HS3ST4: variants seen among roughly 807,000 people sequenced by gnomAD.
The protein encoded by HS3ST4 is heparan sulfate glucosamine 3-O-sulfotransferase 4.
A neutral mutation model predicts 29.2 loss-of-function variants in HS3ST4; 17 were observed. That is an observed-to-expected ratio of 0.58 (90% confidence interval 0.40 to 0.87). HS3ST4 has a LOEUF of 0.87. Among genes scored for constraint, HS3ST4 ranks in the 40% least tolerant of loss-of-function variants. The pLI is 0.00. For synonymous variants in HS3ST4, 314 were observed against 285.7 expected (o/e 1.10, Z -1.00); for missense variants, 627 against 634.5 (o/e 0.99, Z 0.13).
intron 1 of HS3ST4, among the ~76,000 whole-genome samples, chr16:25,862,142 A>T (rs552943120): frequency 6.6e-6 from 1 of 151,424 alleles, no homozygotes; most frequent in Non-Finnish European, 1.5e-5. Context: ...TGATTCTCCT[A>T]TGAGAATTTT....
intron 1 of HS3ST4, among the ~76,000 whole-genome samples, chr16:25,891,009 C>G (rs1366160178): frequency 1.3e-5 from 2 of 152,148 alleles, no homozygotes; most frequent in East Asian, 3.9e-4. Context: ...GGGTCAGAAA[C>G]AGCTTCAAGA....
chr16:25,712,548 A>G (rs1311587347), intron 1 of HS3ST4, among the ~76,000 whole-genome samples: 1 of 152,122 alleles, frequency 6.6e-6, no homozygotes, highest in Non-Finnish European at 1.5e-5. Flanking sequence ...AATGAAACAA[A>G]AGAAGCACCA....
intron 1 of HS3ST4, among the ~76,000 whole-genome samples, chr16:25,729,912 T>A (rs764586887): frequency 1.3e-5 from 2 of 152,176 alleles, no homozygotes; most frequent in Non-Finnish European, 2.9e-5. Flanking sequence ...AGCTGTCCAA[T>A]TGCTCTGGTG....
At chr16:25,700,414 A>C (rs1181311814) in intron 1 of HS3ST4, among the ~76,000 whole-genome samples, 1 of 152,232 alleles carries the variant, frequency 6.6e-6, no homozygotes, top group Non-Finnish European at 1.5e-5. Flanking sequence ...TTGGGAATGC[A>C]GGATTGCTCC....
At chr16:25,732,096 T>G (rs994612354) in intron 1 of HS3ST4, among the ~76,000 whole-genome samples, 5 of 152,196 alleles carry the variant, frequency 3.3e-5, no homozygotes, top group African/African-American at 1.2e-4. Context: ...ACAATTGCTT[T>G]AGTCACAGTA....
chr16:25,819,390 T>C (rs950109525), intron 1 of HS3ST4, among the ~76,000 whole-genome samples: 1 of 152,186 alleles, frequency 6.6e-6, no homozygotes, highest in African/African-American at 2.4e-5. Flanking sequence ...TGTTGGCACG[T>C]GACTGGTCTG....
chr16:26,068,023 AT>A (rs1271334876), intron 1 of HS3ST4, among the ~76,000 whole-genome samples: 1 of 152,218 alleles, frequency 6.6e-6, no homozygotes, highest in African/African-American at 2.4e-5. Flanking sequence ...TTATGTCTTT[AT>A]TAACAGCATT....
At chr16:25,700,069 CTT>C (rs1457991992) in intron 1 of HS3ST4, among the ~76,000 whole-genome samples, 3 of 152,124 alleles carry the variant, frequency 2.0e-5, no homozygotes, top group Non-Finnish European at 4.4e-5. Flanking sequence ...TAAATGTAGT[CTT>C]TTATTTCAAG....
chr16:25,925,960 C>A (rs1409298051), intron 1 of HS3ST4, among the ~76,000 whole-genome samples: 1 of 152,114 alleles, frequency 6.6e-6, no homozygotes, highest in African/African-American at 2.4e-5. Flanking sequence ...CCATGCCAGA[C>A]CCTCTGTCTG....
Position 25,692,945 on chromosome 16 carries a change from G to C in HS3ST4, c.528G>C (p.Ala176=). The C allele has an allele frequency of 1.2e-6, 2 of 1,609,462 alleles. No homozygotes were observed. The highest frequency in any genetic ancestry group is 8.5e-7 in the Non-Finnish European group (1 of 1,178,594). ...TTDEDLAGRR[A]ANGSSERGGA... Reference sequence around the variant, plus strand: ...ACGAGGATCTCGCAGGCCGGAGAGCGGCCAACGGGAGCAGCGAGAGGGGCG... The same window carrying C: ...ACGAGGATCTCGCAGGCCGGAGAGCCGCCAACGGGAGCAGCGAGAGGGGCG... Residue 176 remains alanine (A), a synonymous_variant, in exon 1 of 2, where the codon GCG becomes GCC. Transcript: ENST00000331351.
intron 1 of HS3ST4, among the ~76,000 whole-genome samples, chr16:26,068,394 G>A (rs945228187): frequency 2.6e-5 from 4 of 152,124 alleles, no homozygotes; most frequent in Non-Finnish European, 5.9e-5. Context: ...GTTTAACGTA[G>A]ATCTTAGGAT....
chr16:25,906,206 T>A (rs1234899636), intron 1 of HS3ST4, among the ~76,000 whole-genome samples: 1 of 152,172 alleles, frequency 6.6e-6, no homozygotes, highest in East Asian at 1.9e-4. Context: ...AAGACTTCCT[T>A]CTCTTTGTGG....
At chr16:25,860,583 C>A (rs1013418823) in intron 1 of HS3ST4, among the ~76,000 whole-genome samples, 1 of 152,000 alleles carries the variant, frequency 6.6e-6, no homozygotes, top group African/African-American at 2.4e-5. Context: ...TATGAAGGAA[C>A]CTTAAATGCA....
chr16:25,999,060 C>G (rs538688486), intron 1 of HS3ST4, among the ~76,000 whole-genome samples: 2 of 151,956 alleles, frequency 1.3e-5, no homozygotes, highest in Non-Finnish European at 2.9e-5. Context: ...TAAAATATCT[C>G]TTCTTCTGTC....
At chr16:25,722,132 A>T (rs1966501546) in intron 1 of HS3ST4, among the ~76,000 whole-genome samples, 1 of 152,202 alleles carries the variant, frequency 6.6e-6, no homozygotes, top group Non-Finnish European at 1.5e-5. Context: ...TTCTACTGGG[A>T]GTGGGTTGAC....
At chr16:26,115,237 A>ATGTG (rs1426939492) in intron 1 of HS3ST4, among the ~76,000 whole-genome samples, 2 of 150,498 alleles carry the variant, frequency 1.3e-5, no homozygotes, top group African/African-American at 4.9e-5. Flanking sequence ...ATATGTGTGT[A>ATGTG]TGTGTGTGTA....
intron 1 of HS3ST4, among the ~76,000 whole-genome samples, chr16:25,990,230 T>C (rs1298823324): frequency 6.6e-6 from 1 of 152,160 alleles, no homozygotes; most frequent in Admixed American, 6.5e-5. Context: ...TGTTTGCAGG[T>C]TTTTGTGTGG....
chr16:26,094,451 G>C (rs1898898723), intron 1 of HS3ST4, among the ~76,000 whole-genome samples: 2 of 152,192 alleles, frequency 1.3e-5, no homozygotes, highest in South Asian at 4.1e-4. Context: ...GAGAGTGGGG[G>C]CCAATATTCA....
At chr16:25,976,819 C>G (rs1284400220) in intron 1 of HS3ST4, among the ~76,000 whole-genome samples, 1 of 152,186 alleles carries the variant, frequency 6.6e-6, no homozygotes, top group Non-Finnish European at 1.5e-5. Context: ...ATTCCAACAA[C>G]TCAACTCTGC....
Sources: gnomAD v4.1 joint callset for allele counts (sites outside exome capture counted in the v4.1 genomes callset) on GRCh38, gnomAD v4.1.1 for gene constraint, MANE v1.5 for transcripts, NCBI Gene and HGNC (gene_info 2026-07-23, HGNC 2026-07-21) for gene names.